The following AJAP1 variants were observed in gnomAD, a reference collection of about 807,000 sequenced individuals.
AJAP1 encodes adherens junction-associated protein 1.
Under a neutral mutation model 35.0 loss-of-function variants are expected in AJAP1, and 5 were observed. That is an observed-to-expected ratio of 0.14 (90% CI 0.07 to 0.30). The LOEUF (loss-of-function observed/expected upper bound fraction) is 0.30. AJAP1 is among the 10% of genes least tolerant of loss of function. The pLI is 1.00. For missense variants in AJAP1, 586 were observed against 571.0 expected (o/e 1.03, Z -0.27); for synonymous variants, 284 against 249.3 (o/e 1.14, Z -1.31).
At chr1:4,699,891 C>G (rs1639948446) in intron 1 of AJAP1, among the ~76,000 whole-genome samples, 1 of 152,218 alleles carries the variant, frequency 6.6e-6, no homozygotes, top group Non-Finnish European at 1.5e-5. Flanking sequence ...AGATGCTTAG[C>G]TCACTGCCTG....
intron 1 of AJAP1, among the ~76,000 whole-genome samples, chr1:4,671,610 C>T (rs1639251094): frequency 6.6e-6 from 1 of 152,038 alleles, no homozygotes; most frequent in African/African-American, 2.4e-5. Context: ...ATGCACCCAC[C>T]AACTCTAGCA....
chr1:4,708,241 C>G (rs61765035), intron 1 of AJAP1, among the ~76,000 whole-genome samples: 1,571 of 152,184 alleles, frequency 0.01, 10 homozygotes, highest in Non-Finnish European at 0.014. Context: ...GCTGGGATTA[C>G]AGGCGTGAGC....
chr1:4,736,733 T>A (rs1212320875), intron 2 of AJAP1, among the ~76,000 whole-genome samples: 1 of 152,018 alleles, frequency 6.6e-6, no homozygotes, highest in Non-Finnish European at 1.5e-5. Context: ...CAAATGAAAA[T>A]TAAAGAATAA....
rs142259951 is a variant in AJAP1, at chr1:4,724,499, C to T, written c.829+11800C>T. 3.3e-4 allele frequency among the ~76,000 whole-genome samples: 51 copies of T among 152,248 alleles called. 2 individuals are homozygous for T. In the East Asian group the frequency reaches 8.7e-3, roughly 26 times the overall value. On this transcript the variant is annotated intron_variant, in intron 2 of 5. Coordinates refer to ENST00000378191, the MANE Select transcript of AJAP1 (RefSeq NM_018836.4). ...CATCGACTGGCATTTACCATGACGT[C>T]TCTCATATTATGGCCACTTGCACTT...
rs926019723 is a variant in AJAP1 at position 4,656,298 on chromosome 1, C to T, written c.29+844C>T. On this transcript the variant is annotated intron_variant, in intron 1 of 5. Transcript: ENST00000378191. The surrounding 1 kb of genome is among the most constrained non-coding windows in gnomAD (Gnocchi z 5.7). ...GGCTTCTGCCTGGGGTGGCCCAGGG[C>T]CCACCAGAGCACAGCTGTCGTTTTT... is the stretch of plus-strand genomic sequence containing the variant. Among the ~76,000 whole-genome samples, 1 of 152,170 alleles carries T rather than the reference C, an allele frequency of 6.6e-6. No individual in the cohort carries two copies. Among genetic ancestry groups the T allele is most frequent in the Non-Finnish European group, 1.5e-5 (1 of 68,034 alleles).
rs1312657429 is a variant in AJAP1 at position 4,656,499 on chromosome 1, A to G, written c.29+1045A>G. On this transcript the variant is annotated intron_variant, in intron 1 of 5. Transcript: ENST00000378191. The surrounding 1 kb of genome is among the most constrained non-coding windows in gnomAD (Gnocchi z 5.7). ...CTGCGCTCCCGCGTTGGGGACGAAA[A>G]GGCCAGTAGTTGTTAGCCCGCTGCT... 6.6e-6 allele frequency among the ~76,000 whole-genome samples: 1 copy of G among 152,160 alleles called. No homozygotes were observed. The highest frequency in any genetic ancestry group is 6.5e-5 in the Admixed American group (1 of 15,286).
chr1:4,698,271 G>T (rs1022275591), intron 1 of AJAP1, among the ~76,000 whole-genome samples: 1 of 151,904 alleles, frequency 6.6e-6, no homozygotes, highest in Admixed American at 6.6e-5. Flanking sequence ...CCCCCACGCC[G>T]CTGTCCCCTG....
At chr1:4,674,942 G>A (rs916173690) in intron 1 of AJAP1, among the ~76,000 whole-genome samples, 3 of 152,242 alleles carry the variant, frequency 2.0e-5, no homozygotes, top group East Asian at 1.9e-4. Flanking sequence ...CGTGAGTCAC[G>A]TTGCCATGTG....
At chr1:4,730,951 T>C (rs568633052) in intron 2 of AJAP1, among the ~76,000 whole-genome samples, 1 of 152,226 alleles carries the variant, frequency 6.6e-6, no homozygotes, top group Admixed American at 6.5e-5. Flanking sequence ...GTATGTCCTC[T>C]TAGTCTCACT....
At chr1:4,760,010 C>A (rs986914441) in intron 2 of AJAP1, among the ~76,000 whole-genome samples, 1 of 152,148 alleles carries the variant, frequency 6.6e-6, no homozygotes, top group Non-Finnish European at 1.5e-5. Flanking sequence ...CGACTTCCTT[C>A]CCCCCAGCAC....
intron 2 of AJAP1, among the ~76,000 whole-genome samples, chr1:4,717,831 A>G (rs1005480047): frequency 2.6e-5 from 4 of 152,240 alleles, no homozygotes; most frequent in Admixed American, 6.5e-5. Context: ...AGGGAGAGAC[A>G]TCCTCTTCCC....
At position 4,782,718 on chromosome 1, in the gene AJAP1, T is replaced by A; in HGVS notation, c.*233T>A. The A allele has an allele frequency of 5.0e-6, 2 of 398,614 alleles. No individual in the cohort carries two copies. The highest frequency in any genetic ancestry group is 8.8e-6 in the Non-Finnish European group (2 of 226,072). 24.7% of individuals were successfully genotyped at this position (398,614 alleles called of 1,614,324 possible). On this transcript the variant is annotated 3_prime_UTR_variant, in exon 6 of 6. Coordinates refer to ENST00000378191, the MANE Select transcript of AJAP1 (RefSeq NM_018836.4). This position sits in a 1 kb window ranked among gnomAD's most constrained non-coding sequence, Gnocchi z 5.3. ...AAATCTATTTTTGTAAAAATGCTCA[T>A]GCCTATGGGTGACTGCCTTCTCCCA... is the stretch of plus-strand genomic sequence containing the variant.
At chr1:4,777,388 C>T (rs888780552) in intron 5 of AJAP1, 2 of 152,172 alleles carry the variant, frequency 1.3e-5, no homozygotes, top group Non-Finnish European at 1.5e-5. Flanking sequence ...CAGCCAAGTT[C>T]GTTTTCTTGC....
intron 1 of AJAP1, among the ~76,000 whole-genome samples, chr1:4,668,339 T>C (rs1639181831): frequency 6.6e-6 from 1 of 151,582 alleles, no homozygotes; most frequent in Non-Finnish European, 1.5e-5. Context: ...TGTGTGTGCG[T>C]GTGCGTGTGT....
In AJAP1 at chr1:4,712,103, T is replaced by C; in HGVS notation, c.233T>C (p.Val78Ala). The C allele has an allele frequency of 6.5e-7, 1 of 1,548,104 alleles. No individual in the cohort carries two copies. Among genetic ancestry groups the C allele is most frequent in the Non-Finnish European group, 8.7e-7 (1 of 1,154,962 alleles). ...SGQPARVPAP[V>A]WSPRPPRVER... Reference sequence around the variant, plus strand: ...CAGCCAGCGCGGGTCCCGGCCCCGGTGTGGAGCCCCCGGCCGCCCCGAGTG... The same window carrying C: ...CAGCCAGCGCGGGTCCCGGCCCCGGCGTGGAGCCCCCGGCCGCCCCGAGTG... The change falls in exon 2 of 6, where the codon GTG becomes GCG. Residue 78 changes from valine (V) to alanine (A), a missense_variant. Transcript: ENST00000378191.
At chr1:4,740,631 A>G (rs546894817) in intron 2 of AJAP1, among the ~76,000 whole-genome samples, 11 of 151,734 alleles carry the variant, frequency 7.2e-5, no homozygotes, top group African/African-American at 2.4e-4. Flanking sequence ...TAAAAAATAC[A>G]AAAAATTAGC....
intron 1 of AJAP1, among the ~76,000 whole-genome samples, chr1:4,704,844 C>T (rs1348319656): frequency 6.6e-6 from 1 of 152,146 alleles, no homozygotes; most frequent in Non-Finnish European, 1.5e-5. Flanking sequence ...TTAATGATCG[C>T]CATTCTAACT....
At position 4,699,306 on chromosome 1, in the gene AJAP1, C is replaced by T. The variant is rs925236720; in HGVS notation, c.30-12594C>T. Among the ~76,000 whole-genome samples the T allele has an allele frequency of 3.3e-5, 5 of 152,244 alleles. No homozygotes were observed. The East Asian group carries it at 5.8e-4, about 18-fold the overall frequency. ...CCTCTCTTCAAATTCTAGAAACCCA[C>T]GGAACAGCCACGTACTTGTTTCCAG... On this transcript the variant is annotated intron_variant, in intron 1 of 5. Coordinates refer to ENST00000378191, the MANE Select transcript of AJAP1 (RefSeq NM_018836.4).
chr1:4,789,551 C>A lies in AJAP1; in HGVS notation c.*7066C>A, dbSNP rs1642219565. ...CCCAAATATTTGCAACACTAAATAA[C>A]AACTCCCTAAAGACTTCAGTCTTGC... On this transcript the variant is annotated 3_prime_UTR_variant, in exon 6 of 6. Coordinates refer to ENST00000378191, the MANE Select transcript of AJAP1 (RefSeq NM_018836.4). The surrounding 1 kb of genome is among the most constrained non-coding windows in gnomAD (Gnocchi z 4.4). 6.6e-6 allele frequency: 1 copy of A among 152,216 alleles called. No individual in the cohort carries two copies. The highest frequency in any genetic ancestry group is 1.5e-5 in the Non-Finnish European group (1 of 68,032). 9.4% of individuals were successfully genotyped at this position (152,216 alleles called of 1,614,324 possible). A position where few individuals can be genotyped will look rare whatever the true frequency, so the allele number is the denominator to read the frequency against.
Sources: allele counts gnomAD v4.1 joint callset (sites outside exome capture counted in the v4.1 genomes callset), GRCh38; gene constraint gnomAD v4.1.1; non-coding constraint Gnocchi (gnomAD v3.1); transcripts MANE v1.5; gene names NCBI Gene and HGNC (gene_info 2026-07-23, HGNC 2026-07-21).